The following ERFE variants were observed in gnomAD, a reference collection of about 807,000 sequenced individuals.
The protein encoded by ERFE is complement C1q tumor necrosis factor-related protein 15.
Under a neutral mutation model 26.6 loss-of-function variants are expected in ERFE, and 25 were observed. That is an observed-to-expected ratio of 0.94 (90% CI 0.69 to 1.31). The LOEUF (loss-of-function observed/expected upper bound fraction) is 1.31. ERFE is among the 40% of genes most tolerant of loss of function. The pLI, the probability that ERFE is intolerant of heterozygous loss-of-function variation, is 0.00. For synonymous variants in ERFE, 206 were observed against 204.5 expected, an observed-to-expected ratio of 1.01 and a Z score of -0.06; for missense variants, 447 against 440.2, an observed-to-expected ratio of 1.02 and a Z score of -0.14.
At chr2:238,160,563 C>T (rs572091781) in intron 1 of ERFE, among the ~76,000 whole-genome samples, 1 of 152,220 alleles carries the variant, frequency 6.6e-6, no homozygotes, top group African/African-American at 2.4e-5. Context: ...GGCCCTGGGC[C>T]CCTGAACCCT....
At position 238,168,434 on chromosome 2, in the gene ERFE, G is replaced by A. The variant is rs1160570793; in HGVS notation, c.*1380G>A. On this transcript the variant is annotated 3_prime_UTR_variant, in exon 8 of 8. Coordinates refer to ENST00000546354, the MANE Select transcript of ERFE (RefSeq NM_001291832.2). ...CAAGCTGGTCTGGCAAGGGCGCTCA[G>A]GCCTGGGAGAGAAGGGAGCAATGGC... The A allele has an allele frequency of 4.2e-6, 2 of 470,958 alleles. No individual in the cohort carries two copies. The highest frequency in any genetic ancestry group is 6.9e-5 in the East Asian group (1 of 14,398). 29.2% of individuals were successfully genotyped at this position (470,958 alleles called of 1,614,324 possible). A position where few individuals can be genotyped will look rare whatever the true frequency, so the allele number is the denominator to read the frequency against.
Position 238,168,819 on chromosome 2 carries a change from T to G in ERFE, c.*1765T>G, listed in dbSNP as rs573294513. 38 of 76,260 alleles carry G rather than the reference T, an allele frequency of 5.0e-4. No individual in the cohort carries two copies. In the South Asian group the frequency reaches 7.4e-3, roughly 15 times the overall value. 4.7% of individuals were successfully genotyped at this position (76,260 alleles called of 1,614,324 possible). A position where few individuals can be genotyped will look rare whatever the true frequency, so the allele number is the denominator to read the frequency against. ...GTAAAAGCCACATATCCACATCTCT[T>G]TCATTTTTCTCAGTGTGTTATGCAG... On this transcript the variant is annotated 3_prime_UTR_variant, in exon 8 of 8. Transcript: ENST00000546354.
At chr2:238,165,457 C>T (rs760296913) in intron 6 of ERFE, 149 bp from the exon 7 acceptor site, 210 of 631,506 alleles carry the variant, frequency 3.3e-4, no homozygotes, top group Non-Finnish European at 4.4e-4. Flanking sequence ...CTCTTGGGGA[C>T]TCGGTTCAGA....
chr2:238,163,212 C>G (rs1316148069), intron 3 of ERFE, among the ~76,000 whole-genome samples: 4 of 152,238 alleles, frequency 2.6e-5, no homozygotes. Flanking sequence ...CCAGGTGGAG[C>G]TCAGCCTGGC....
rs189316815 is a variant in ERFE at position 238,162,906 on chromosome 2, G to T, written c.424+68G>T. 8.2e-4 allele frequency: 1,074 copies of T among 1,307,234 alleles called. 22 individuals carry two copies. The Admixed American group carries it at 0.021, about 26-fold the overall frequency. The allele number at this position is 1,307,234 out of a possible 1,614,324, so 81.0% of individuals were successfully genotyped here. On this transcript the variant is annotated intron_variant, in intron 3 of 7. Coordinates refer to ENST00000546354, the MANE Select transcript of ERFE (RefSeq NM_001291832.2). ...GCAGGGCCTGGGAGGGTGTCCCGAG[G>T]AGCTGACAGGGCCAACCTCAACACT...
intron 2 of ERFE, 21 bp downstream of exon 2, chr2:238,161,737 G>T (rs1380310552): frequency 1.3e-6 from 2 of 1,529,810 alleles, no homozygotes; most frequent in African/African-American, 2.8e-5. Context: ...CATCCCGTCA[G>T]TGCCAGGCCG....
Position 238,161,695 on chromosome 2 carries a change from G to A in ERFE, c.300G>A (p.Arg100=), listed in dbSNP as rs1449382272. The A allele has an allele frequency of 1.3e-6, 2 of 1,546,944 alleles. No homozygotes were observed. Among genetic ancestry groups the A allele is most frequent in the African/African-American group, 1.4e-5 (1 of 73,006 alleles). The change falls in exon 2 of 8, where the codon AGG becomes AGA. Residue 100 remains arginine (R), a synonymous_variant. Transcript: ENST00000546354. The stretch of plus-strand genomic sequence containing the variant: ...GTGTCAATGGCAAGAAGAGGAGCAG[G>A]GGCAAGGCCAAGAAGCTGAAGGTGA... ...DKGVNGKKRS[R]GKAKKLKFGL... is the part of the protein sequence containing the mutation.
Position 238,168,525 on chromosome 2 carries a change from C to G in ERFE, c.*1471C>G, listed in dbSNP as rs1341751176. 1 of 453,740 alleles carries G rather than the reference C, an allele frequency of 2.2e-6. No individual in the cohort carries two copies. Among genetic ancestry groups the G allele is most frequent in the South Asian group, 1.6e-5 (1 of 62,596 alleles). 28.1% of individuals were successfully genotyped at this position (453,740 alleles called of 1,614,324 possible). ...GTGGCTGCCACCAGGCCCGAATGAT[C>G]CCCAGGAGCCCAGCTTCCAAACCCC... On this transcript the variant is annotated 3_prime_UTR_variant, in exon 8 of 8. Coordinates refer to ENST00000546354, the MANE Select transcript of ERFE (RefSeq NM_001291832.2).
chr2:238,168,713 G>A lies in ERFE; in HGVS notation c.*1659G>A. 3.3e-5 allele frequency: 10 copies of A among 299,518 alleles called. No homozygotes were observed. The highest frequency in any genetic ancestry group is 2.9e-4 in the South Asian group (10 of 34,908). The allele number at this position is 299,518 out of a possible 1,614,324, so 18.6% of individuals were successfully genotyped here. A position where few individuals can be genotyped will look rare whatever the true frequency, so the allele number is the denominator to read the frequency against. ...TGCATCCGTGTGTTTTGATAAGGGGGTGATGTGGCCACGCCCTTATCTAGA... is the reference window on the plus strand; with the variant it reads ...TGCATCCGTGTGTTTTGATAAGGGGATGATGTGGCCACGCCCTTATCTAGA... On this transcript the variant is annotated 3_prime_UTR_variant, in exon 8 of 8. Transcript: ENST00000546354.
At position 238,165,740 on chromosome 2, in the gene ERFE, G is replaced by T. The variant is rs975867326; in HGVS notation, c.966+56G>T. The T allele has an allele frequency of 2.1e-5, 31 of 1,493,694 alleles. No homozygotes were observed. In the African/African-American group the frequency reaches 4.2e-4, roughly 20 times the overall value. The allele number at this position is 1,493,694 out of a possible 1,614,324, so 92.5% of individuals were successfully genotyped here. A position where few individuals can be genotyped will look rare whatever the true frequency, so the allele number is the denominator to read the frequency against. ...CACCGCCTGGGCATGGCCACGGGTG[G>T]CTGGGTGCAGAAGGGTGCTGTTAGA... On this transcript the variant is annotated intron_variant, in intron 7 of 7. Transcript: ENST00000546354.
chr2:238,165,908 G>A (rs924347260), intron 7 of ERFE, among the ~76,000 whole-genome samples: 5 of 152,152 alleles, frequency 3.3e-5, no homozygotes, highest in Admixed American at 1.3e-4. Context: ...GCCCTTCCCC[G>A]AGGGCACCTG....
chr2:238,167,529 G>A lies in ERFE; in HGVS notation c.*475G>A, dbSNP rs1369401812. 12 of 449,538 alleles carry A rather than the reference G, an allele frequency of 2.7e-5. No homozygotes were observed. The highest frequency in any genetic ancestry group is 5.4e-5 in the Non-Finnish European group (12 of 223,094). The allele number at this position is 449,538 out of a possible 1,614,324, so 27.8% of individuals were successfully genotyped here. On this transcript the variant is annotated 3_prime_UTR_variant, in exon 8 of 8. Coordinates refer to ENST00000546354, the MANE Select transcript of ERFE (RefSeq NM_001291832.2). The stretch of plus-strand genomic sequence containing the variant: ...GGGCTGCCACAGGGACGTACGCTGT[G>A]TGTTCTTACTGCTTAGAAGGGACGG...
In ERFE at chr2:238,168,565, C is replaced by A; in HGVS notation, c.*1511C>A. ...TTCCAAACCCCAACATCGAATCAAACATCTCCATCCCCAAGTGCAGTAACA... is the reference window on the plus strand; with the variant it reads ...TTCCAAACCCCAACATCGAATCAAAAATCTCCATCCCCAAGTGCAGTAACA... On this transcript the variant is annotated 3_prime_UTR_variant, in exon 8 of 8. Coordinates refer to ENST00000546354, the MANE Select transcript of ERFE (RefSeq NM_001291832.2). 2.4e-6 allele frequency: 1 copy of A among 423,624 alleles called. No individual in the cohort carries two copies. The highest frequency in any genetic ancestry group is 1.8e-5 in the South Asian group (1 of 56,848). 26.2% of individuals were successfully genotyped at this position (423,624 alleles called of 1,614,324 possible). A position where few individuals can be genotyped will look rare whatever the true frequency, so the allele number is the denominator to read the frequency against.
intron 6 of ERFE, 159 bp downstream of exon 6, chr2:238,164,519 C>A: frequency 1.5e-6 from 1 of 653,380 alleles, no homozygotes; most frequent in Non-Finnish European, 2.6e-6. Context: ...CTACTTCTGC[C>A]CCTATCAGGC....
chr2:238,163,709 C>A (rs1692976614), intron 3 of ERFE, 28 bp from the exon 4 acceptor site: 2 of 1,276,784 alleles, frequency 1.6e-6, no homozygotes, highest in Non-Finnish European at 9.9e-7. Context: ...GGGTCCCTGG[C>A]GCGCGGCCAC....
At chr2:238,166,741 G>C (rs142727396) in intron 7 of ERFE, among the ~76,000 whole-genome samples, 2 of 152,254 alleles carry the variant, frequency 1.3e-5, no homozygotes, top group Non-Finnish European at 2.9e-5. Flanking sequence ...CACGCGAACT[G>C]TAGGGCGCTG....
chr2:238,160,512 T>C (rs953180569), intron 1 of ERFE, among the ~76,000 whole-genome samples: 4 of 152,102 alleles, frequency 2.6e-5, no homozygotes, highest in African/African-American at 9.7e-5. Flanking sequence ...GGTGGTGCAG[T>C]TGACCCTCTA....
intron 1 of ERFE, among the ~76,000 whole-genome samples, chr2:238,160,615 T>C (rs531422180): frequency 6.6e-6 from 1 of 152,078 alleles, no homozygotes; most frequent in African/African-American, 2.4e-5. Flanking sequence ...GCAGCCCCCA[T>C]CTTCCCACCA....
chr2:238,165,611 T>C lies in ERFE; in HGVS notation c.893T>C (p.Leu298Pro). ...TCCCTCTGTTTTGGGTACAGCTCCC[T>C]GGAGGCCATCATGGGCCTGGAGAGC... ...IQSRCQRNAS[L>P]EAIMGLESSS... The change falls in exon 7 of 8, where the codon CTG becomes CCG. Residue 298 changes from leucine to proline, a missense_variant. Leu to Pro is a moderately conservative substitution (Grantham distance 98). Coordinates refer to ENST00000546354, the MANE Select transcript of ERFE (RefSeq NM_001291832.2). 6.5e-7 allele frequency: 1 copy of C among 1,548,278 alleles called. No homozygotes were observed. Among genetic ancestry groups the C allele is most frequent in the Non-Finnish European group, 8.7e-7 (1 of 1,145,076 alleles).
Sources: allele counts gnomAD v4.1 joint callset (sites outside exome capture counted in the v4.1 genomes callset), GRCh38; gene constraint gnomAD v4.1.1; transcripts MANE v1.5; gene names NCBI Gene and HGNC (gene_info 2026-07-23, HGNC 2026-07-21).